Variants in NFE2L2 observed in about 807,000 individuals in gnomAD.
NFE2L2 encodes NFE2 like bZIP transcription factor 2, also known as nuclear factor erythroid 2-related factor 2.
Under a neutral mutation model 49.6 loss-of-function variants are expected in NFE2L2, and 20 were observed. That is an observed-to-expected ratio of 0.40 (90% CI 0.28 to 0.59). NFE2L2 has a LOEUF of 0.59. Ranked by LOEUF, NFE2L2 falls within the 20% of genes least tolerant of loss-of-function variation. The pLI is 0.40. For missense variants in NFE2L2, 578 were observed against 714.2 expected, an observed-to-expected ratio of 0.81 and a Z score of 2.17; for synonymous variants, 244 against 256.5, an observed-to-expected ratio of 0.95 and a Z score of 0.47.
At chr2:177,237,838 T>C (rs1408756880) in intron 1 of NFE2L2, among the ~76,000 whole-genome samples, 1 of 152,154 alleles carries the variant, frequency 6.6e-6, no homozygotes, top group Non-Finnish European at 1.5e-5. Context: ...ACTTTAAAAT[T>C]CTGATTAGCT....
intron 1 of NFE2L2, among the ~76,000 whole-genome samples, chr2:177,246,172 A>ACGACTTAACAGGCAAATCAGGC (rs1307154897): frequency 4.7e-4 from 72 of 152,178 alleles, no homozygotes; most frequent in Non-Finnish European, 2.9e-4. Flanking sequence ...CCTGCCCCAT[A>ACGACTTAACAGGCAAATCAGGC]CGACTTAACA....
intron 1 of NFE2L2, among the ~76,000 whole-genome samples, chr2:177,242,437 A>G (rs894919184): frequency 1.3e-5 from 2 of 152,156 alleles, no homozygotes; most frequent in Non-Finnish European, 1.5e-5. Flanking sequence ...ACACACAAAG[A>G]CGTATTATTC....
chr2:177,256,709 GA>G (rs773694077), intron 1 of NFE2L2, among the ~76,000 whole-genome samples: 4 of 152,160 alleles, frequency 2.6e-5, no homozygotes, highest in Non-Finnish European at 4.4e-5. Flanking sequence ...ACTAGAATTA[GA>G]AAAGCATGCT....
intron 1 of NFE2L2, among the ~76,000 whole-genome samples, chr2:177,234,770 T>C (rs1471028774): frequency 6.6e-6 from 1 of 152,208 alleles, no homozygotes; most frequent in Non-Finnish European, 1.5e-5. Context: ...TTGTGAAATA[T>C]CACCATTCTT....
At chr2:177,232,979 T>C (rs1416324177) in intron 3 of NFE2L2, 1 of 502,738 alleles carries the variant, frequency 2.0e-6, no homozygotes, top group East Asian at 3.3e-5. Flanking sequence ...GGTTATTTGT[T>C]TCCATGGTTA....
chr2:177,232,990 T>A, intron 3 of NFE2L2: 1 of 514,712 alleles, frequency 1.9e-6, no homozygotes, highest in Non-Finnish European at 3.4e-6. Flanking sequence ...TCCATGGTTA[T>A]GCTGTCCATG....
chr2:177,232,062 C>T (rs541292536), intron 4 of NFE2L2, 54 bp from the exon 5 acceptor site: 246 of 1,492,880 alleles, frequency 1.6e-4, no homozygotes, highest in Non-Finnish European at 2.1e-4. Context: ...CATGATAATA[C>T]GTGATAAATT....
In NFE2L2 at chr2:177,231,591, C is replaced by G. The variant is rs749226140; in HGVS notation, c.1012G>C (p.Glu338Gln). Residue 338 changes from glutamate to glutamine, a missense_variant, in exon 5 of 5, where the codon GAA becomes CAA. Physicochemically the swap from Glu to Gln is conservative, Grantham distance 29. Coordinates refer to ENST00000397062, the MANE Select transcript of NFE2L2 (RefSeq NM_006164.5). The stretch of plus-strand genomic sequence containing the variant: ...ATGCCGGAGTCAGAATCATTGAATT[C>G]TGCTGTGCTTTCAGGGTGGTTTTGG... ...FNQNHPESTAEFNDSDSGISL... is the reference protein window; with the variant it reads ...FNQNHPESTAQFNDSDSGISL... 6.2e-7 allele frequency: 1 copy of G among 1,614,200 alleles called. No homozygotes were observed. Among genetic ancestry groups the G allele is most frequent in the Non-Finnish European group, 8.5e-7 (1 of 1,180,026 alleles).
intron 3 of NFE2L2, chr2:177,233,035 T>C (rs954787137): frequency 1.7e-5 from 9 of 537,334 alleles, no homozygotes; most frequent in African/African-American, 1.6e-4. Context: ...GTTTTGGTTT[T>C]GTATTGTGTG....
intron 1 of NFE2L2, among the ~76,000 whole-genome samples, chr2:177,237,811 G>A (rs1299316316): frequency 3.3e-5 from 5 of 152,138 alleles, no homozygotes; most frequent in South Asian, 2.1e-4. Flanking sequence ...GAGCCACCAC[G>A]CCCAGCTGAG....
chr2:177,250,524 C>T (rs528545361), intron 1 of NFE2L2, among the ~76,000 whole-genome samples: 2 of 152,242 alleles, frequency 1.3e-5, no homozygotes, highest in Admixed American at 1.3e-4. Context: ...CAACACTCTT[C>T]CAACCACTTG....
chr2:177,249,821 T>C (rs1453128407), intron 1 of NFE2L2, among the ~76,000 whole-genome samples: 1 of 152,210 alleles, frequency 6.6e-6, no homozygotes. Context: ...AAATATTTTA[T>C]ACTATTTCTG....
chr2:177,252,197 A>G (rs942497785), intron 1 of NFE2L2, among the ~76,000 whole-genome samples: 1 of 152,170 alleles, frequency 6.6e-6, no homozygotes, highest in Admixed American at 6.5e-5. Flanking sequence ...AAATCTAATG[A>G]CATAACCTCT....
intron 1 of NFE2L2, among the ~76,000 whole-genome samples, chr2:177,245,165 G>A (rs957571514): frequency 2.0e-5 from 3 of 151,860 alleles, no homozygotes; most frequent in Non-Finnish European, 2.9e-5. Flanking sequence ...CTTCTTCCTC[G>A]TATTTTGACT....
intron 1 of NFE2L2, among the ~76,000 whole-genome samples, chr2:177,247,357 T>C (rs998536921): frequency 6.6e-6 from 1 of 151,846 alleles, no homozygotes; most frequent in African/African-American, 2.4e-5. Context: ...AACAATAAAA[T>C]TGAGGCCAAA....
chr2:177,263,533 C>G (rs1262713457), intron 1 of NFE2L2: 2 of 985,418 alleles, frequency 2.0e-6, no homozygotes, highest in Non-Finnish European at 2.4e-6. Flanking sequence ...TCCAACCTGT[C>G]CCTTGGCCCT....
chr2:177,233,539 A>G (rs1420371126), intron 2 of NFE2L2, 200 bp from the exon 3 acceptor site: 5 of 563,016 alleles, frequency 8.9e-6, no homozygotes, highest in South Asian at 2.3e-5. Flanking sequence ...TTTCTGAGTG[A>G]TCTGGGCAAA....
chr2:177,240,547 A>G (rs1288602610), intron 1 of NFE2L2, among the ~76,000 whole-genome samples: 1 of 152,214 alleles, frequency 6.6e-6, no homozygotes, highest in African/African-American at 2.4e-5. Flanking sequence ...ACAAAAGAAG[A>G]CAATTTGATA....
chr2:177,235,798 G>A (rs1689729956), intron 1 of NFE2L2, among the ~76,000 whole-genome samples: 1 of 152,210 alleles, frequency 6.6e-6, no homozygotes, highest in Non-Finnish European at 1.5e-5. Flanking sequence ...CTGCACTCCA[G>A]CTTGGGTGAC....
Sources: gnomAD v4.1 joint callset for allele counts (sites outside exome capture counted in the v4.1 genomes callset) on GRCh38, gnomAD v4.1.1 for gene constraint, MANE v1.5 for transcripts, NCBI Gene and HGNC (gene_info 2026-07-23, HGNC 2026-07-21) for gene names.